Variants in RC3H2 observed in about 807,000 individuals in gnomAD.
RC3H2 encodes the protein ring finger and CCCH-type domains 2.
A neutral mutation model predicts 133.3 loss-of-function variants in RC3H2; 31 were observed. The observed-to-expected ratio is 0.23, with a 90% CI of 0.17 to 0.31. The LOEUF (loss-of-function observed/expected upper bound fraction) is 0.31, where lower values mean the gene tolerates loss of function less well. Ranked by LOEUF, RC3H2 falls within the 10% of genes least tolerant of loss-of-function variation. The pLI is 1.00. For synonymous variants in RC3H2, 517 were observed against 502.2 expected, an observed-to-expected ratio of 1.03 and a Z score of -0.40; for missense variants, 1,175 against 1,437.2, an observed-to-expected ratio of 0.82 and a Z score of 2.95.
intron 9 of RC3H2, chr9:122,875,439 A>C (rs1266526266): frequency 1.4e-6 from 2 of 1,443,918 alleles, no homozygotes; most frequent in Non-Finnish European, 1.8e-6. Flanking sequence ...TTTTATAAAT[A>C]AAGTTTACAG....
chr9:122,895,899 C>T (rs1399057815), intron 2 of RC3H2, among the ~76,000 whole-genome samples: 1 of 151,894 alleles, frequency 6.6e-6, no homozygotes, highest in Admixed American at 6.6e-5. Flanking sequence ...GCAAAGTAGA[C>T]CCTCATTAAA....
chr9:122,883,564 T>TTCCATAAA (rs557464425), intron 4 of RC3H2, among the ~76,000 whole-genome samples, 185 bp from the exon 5 acceptor site: 95 of 152,312 alleles, frequency 6.2e-4, no homozygotes, highest in African/African-American at 2.2e-3. Flanking sequence ...AAAACATACT[T>TTCCATAAA]TCCATAAATA....
chr9:122,878,923 A>ATT (rs202108667), intron 8 of RC3H2, among the ~76,000 whole-genome samples: 7 of 131,194 alleles, frequency 5.3e-5, no homozygotes, highest in East Asian at 4.5e-4. Flanking sequence ...TCATTTTTGT[A>ATT]TTTTTTTTTT....
Position 122,880,599 on chromosome 9 carries a change from C to T in RC3H2, c.955G>A (p.Asp319Asn). 6.2e-7 allele frequency: 1 copy of T among 1,612,192 alleles called. No individual in the cohort carries two copies. The highest frequency in any genetic ancestry group is 8.5e-7 in the Non-Finnish European group (1 of 1,178,356). The stretch of plus-strand genomic sequence containing the variant: ...GCATCTCTAATTTCACAAACCTTAT[C>T]AATGATAGACTGCATGTGTGATTTA... ...AHKSHMQSII[D>N]KLQSPESFAK... Residue 319 changes from aspartate (D) to asparagine (N), a missense_variant, in exon 6 of 21, where the codon GAT (aspartate) becomes AAT (asparagine). Asp to Asn is a conservative substitution (Grantham distance 23, BLOSUM62 1). Transcript: ENST00000357244.
intron 5 of RC3H2, among the ~76,000 whole-genome samples, 177 bp downstream of exon 5, chr9:122,883,027 T>C (rs1421183902): frequency 6.6e-6 from 1 of 152,178 alleles, no homozygotes; most frequent in Non-Finnish European, 1.5e-5. Flanking sequence ...TGCCAATAGA[T>C]AGTAATGGGT....
At position 122,847,313 on chromosome 9, in the gene RC3H2, C is replaced by T. The variant is rs961156653; in HGVS notation, c.*2314G>A. The T allele has an allele frequency of 6.6e-6, 1 of 152,034 alleles. No homozygotes were observed. The highest frequency in any genetic ancestry group is 2.1e-4 in the South Asian group (1 of 4,828). 9.4% of individuals were successfully genotyped at this position (152,034 alleles called of 1,614,324 possible). A position where few individuals can be genotyped will look rare whatever the true frequency, so the allele number is the denominator to read the frequency against. On this transcript the variant is annotated 3_prime_UTR_variant, in exon 21 of 21. Coordinates refer to ENST00000357244, the MANE Select transcript of RC3H2 (RefSeq NM_001100588.3). ...ATGTAGTATATATTCACCCTCAGAA[C>T]GTGCTGAAGATGTTTTGTGTAGTTC... is the stretch of plus-strand genomic sequence containing the variant.
chr9:122,859,794 A>AG, intron 11 of RC3H2, 123 bp downstream of exon 11: 1 of 824,458 alleles, frequency 1.2e-6, no homozygotes, highest in South Asian at 1.7e-5. Flanking sequence ...AAGGAAAAAA[A>AG]CTTATGAGTC....
intron 1 of RC3H2, 48 bp downstream of exon 1, chr9:122,905,062 G>A (rs1832790556): frequency 1.0e-6 from 1 of 983,272 alleles, no homozygotes; most frequent in Admixed American, 6.1e-5. Context: ...CCGGGGACCA[G>A]GCACCCGGGC....
intron 10 of RC3H2, among the ~76,000 whole-genome samples, chr9:122,861,908 C>G (rs1830471679): frequency 2.0e-5 from 3 of 152,158 alleles, no homozygotes. Flanking sequence ...TATTTTAGGA[C>G]TGTGCTTATT....
At chr9:122,870,377 AAAACAAACAAAC>A (rs141668736) in intron 9 of RC3H2, among the ~76,000 whole-genome samples, 10,615 of 123,590 alleles carry the variant, frequency 0.086, 481 homozygotes, top group African/African-American at 0.1. Context: ...TCTGTCTCCA[AAAACAAACAAAC>A]AAACAAACAA....
Position 122,883,261 on chromosome 9 carries a change from T to C in RC3H2, c.702A>G (p.Ala234=), listed in dbSNP as rs770453265. The C allele has an allele frequency of 6.2e-7, 1 of 1,613,890 alleles. No homozygotes were observed. Among genetic ancestry groups the C allele is most frequent in the East Asian group, 2.2e-5 (1 of 44,858 alleles). Residue 234 remains alanine (A), a synonymous_variant, in exon 5 of 21, where the codon GCA becomes GCG. Transcript: ENST00000357244. Reference sequence around the variant, plus strand: ...CAACATGACCAATACTTGTTTTTGATGCCTGAGGAAATCTTGGTTCTAGTC... The same window carrying C: ...CAACATGACCAATACTTGTTTTTGACGCCTGAGGAAATCTTGGTTCTAGTC... ...VQRLEPRFPQ[A]SKTSIGHVVQ...
At chr9:122,857,231 T>C (rs1356908000) in intron 13 of RC3H2, among the ~76,000 whole-genome samples, 1 of 152,198 alleles carries the variant, frequency 6.6e-6, no homozygotes, top group Non-Finnish European at 1.5e-5. Context: ...AAAATTTTAA[T>C]ATCAGAACTT....
At chr9:122,871,961 A>C (rs1342575836) in intron 9 of RC3H2, among the ~76,000 whole-genome samples, 1 of 151,612 alleles carries the variant, frequency 6.6e-6, no homozygotes, top group Admixed American at 6.6e-5. Context: ...TTTTTGTAGT[A>C]GAGACAAGGT....
At position 122,866,980 on chromosome 9, in the gene RC3H2, A is replaced by G. The variant is rs550239431; in HGVS notation, c.1326-1323T>C. 8.1e-3 allele frequency among the ~76,000 whole-genome samples: 850 copies of G among 104,530 alleles called. 2 individuals are homozygous for G. The highest frequency in any genetic ancestry group is 0.03 in the African/African-American group (778 of 26,366). 68.6% of individuals were successfully genotyped at this position (104,530 alleles called of 152,430 possible). On this transcript the variant is annotated intron_variant, in intron 9 of 20. Transcript: ENST00000357244. ...GAGGAGCGTCTCTGCCCGGCCACCC[A>G]TTGTCTGAGATGTGGGGAGCGCCTT...
At chr9:122,887,204 T>C (rs549935399) in intron 4 of RC3H2, among the ~76,000 whole-genome samples, 1 of 152,322 alleles carries the variant, frequency 6.6e-6, no homozygotes, top group African/African-American at 2.4e-5. Flanking sequence ...ATTTTCTAAA[T>C]GTATTATTAG....
At chr9:122,853,723 G>C (rs1280456520) in intron 18 of RC3H2, 7 of 1,182,364 alleles carry the variant, frequency 5.9e-6, no homozygotes, top group Non-Finnish European at 6.9e-6. Flanking sequence ...TTGCACTCCA[G>C]GCGATAGAGC....
In RC3H2 at chr9:122,845,398, G is replaced by C. The variant is rs1413045965; in HGVS notation, c.*4229C>G. 1 of 152,184 alleles carries C rather than the reference G, an allele frequency of 6.6e-6. No individual in the cohort carries two copies. The highest frequency in any genetic ancestry group is 1.9e-4 in the East Asian group (1 of 5,198). The allele number at this position is 152,184 out of a possible 1,614,324, so 9.4% of individuals were successfully genotyped here. ...TGTTTGCCCAGCTAAGAGAATGCAT[G>C]CACTTCCATGCCTTGGGTTATAAAG... On this transcript the variant is annotated 3_prime_UTR_variant, in exon 21 of 21. Transcript: ENST00000357244.
At chr9:122,889,849 G>A (rs1427937820) in intron 4 of RC3H2, among the ~76,000 whole-genome samples, 1 of 152,016 alleles carries the variant, frequency 6.6e-6, no homozygotes, top group African/African-American at 2.4e-5. Flanking sequence ...TAATAAAAAC[G>A]GATTTATATT....
intron 10 of RC3H2, among the ~76,000 whole-genome samples, chr9:122,864,625 CTT>C (rs1172225857): frequency 5.6e-5 from 8 of 143,096 alleles, no homozygotes; most frequent in Middle Eastern, 3.3e-3. Context: ...GAGTCCCCTC[CTT>C]TTTTTTTTTT....
Sources: allele counts gnomAD v4.1 joint callset (sites outside exome capture counted in the v4.1 genomes callset), GRCh38; gene constraint gnomAD v4.1.1; transcripts MANE v1.5; gene names NCBI Gene and HGNC (gene_info 2026-07-23, HGNC 2026-07-21).